Variants in PPP4R3B observed in about 807,000 individuals in gnomAD.
PPP4R3B encodes the protein serine/threonine-protein phosphatase 4 regulatory subunit 3B.
PPP4R3B carries 52 observed loss-of-function variants against 95.4 expected under a neutral mutation model. That is an observed-to-expected ratio of 0.54 (90% CI 0.44 to 0.69). The LOEUF (loss-of-function observed/expected upper bound fraction) is 0.69. Ranked by LOEUF, PPP4R3B falls within the 30% of genes least tolerant of loss-of-function variation. The pLI is 0.00. For missense variants in PPP4R3B, 1,003 were observed against 1,005.9 expected (o/e 1.00, Z 0.04); for synonymous variants, 407 against 343.9 (o/e 1.18, Z -2.03).
chr2:55,578,466 G>A (rs907635909), intron 9 of PPP4R3B, 124 bp from the exon 10 acceptor site: 6 of 991,452 alleles, frequency 6.1e-6, no homozygotes, highest in African/African-American at 1.7e-5. Flanking sequence ...CATAAAAAAT[G>A]CATTATTTTC....
At chr2:55,594,206 A>G (rs939931556) in intron 4 of PPP4R3B, among the ~76,000 whole-genome samples, 20 of 152,076 alleles carry the variant, frequency 1.3e-4, no homozygotes, top group African/African-American at 3.9e-4. Context: ...ACTGTGTTCA[A>G]TATCACGGTG....
At chr2:55,594,302 T>TAAAAAAAAAAAAA (rs35730010) in intron 4 of PPP4R3B, among the ~76,000 whole-genome samples, 1 of 123,512 alleles carries the variant, frequency 8.1e-6, no homozygotes. Context: ...GAATCTAAAA[T>TAAAAAAAAAAAAA]AAAAAAAAAA....
At chr2:55,601,436 A>G (rs1309101719) in intron 3 of PPP4R3B, among the ~76,000 whole-genome samples, 1 of 150,872 alleles carries the variant, frequency 6.6e-6, no homozygotes, top group Non-Finnish European at 1.5e-5. Context: ...GCTGGAGTGC[A>G]ATGGCGCGAT....
intron 3 of PPP4R3B, among the ~76,000 whole-genome samples, chr2:55,601,438 T>C (rs1017570453): frequency 1.3e-5 from 2 of 151,486 alleles, no homozygotes; most frequent in Non-Finnish European, 2.9e-5. Context: ...TGGAGTGCAA[T>C]GGCGCGATCT....
intron 3 of PPP4R3B, among the ~76,000 whole-genome samples, chr2:55,602,800 T>C (rs1183737971): frequency 1.3e-5 from 2 of 152,148 alleles, no homozygotes; most frequent in Non-Finnish European, 2.9e-5. Flanking sequence ...TGTATCATTT[T>C]GCTATAATAA....
At chr2:55,574,597 CT>C (rs879382361) in intron 11 of PPP4R3B, among the ~76,000 whole-genome samples, 425 of 142,782 alleles carry the variant, frequency 3.0e-3, no homozygotes, top group Admixed American at 3.4e-3. Context: ...CATCAAGATT[CT>C]TTTTTTTTTT....
intron 15 of PPP4R3B, among the ~76,000 whole-genome samples, chr2:55,559,427 ATGTGTACAGTGATGATATGG>A (rs1686297890): frequency 6.6e-6 from 1 of 152,148 alleles, no homozygotes; most frequent in South Asian, 2.1e-4. Context: ...AAAGAACATG[ATGTGTACAGTGATGATATGG>A]TCTGGCTCTG....
At chr2:55,578,396 GT>G in intron 9 of PPP4R3B, 54 bp from the exon 10 acceptor site, 3 of 1,254,670 alleles carry the variant, frequency 2.4e-6, no homozygotes, top group African/African-American at 3.1e-5. Context: ...GAGTATATGA[GT>G]GTCTGTTATA....
intron 16 of PPP4R3B, 59 bp downstream of exon 16, chr2:55,558,716 C>A: frequency 1.5e-6 from 2 of 1,291,444 alleles, no homozygotes; most frequent in Non-Finnish European, 1.0e-6. Flanking sequence ...TTTCAGTAAA[C>A]ATGAAAAAAT....
intron 15 of PPP4R3B, among the ~76,000 whole-genome samples, chr2:55,560,318 T>A (rs559211380): frequency 6.6e-6 from 1 of 152,162 alleles, no homozygotes; most frequent in Non-Finnish European, 1.5e-5. Flanking sequence ...AGGTCTCAGA[T>A]GGAGGTGAGG....
intron 4 of PPP4R3B, among the ~76,000 whole-genome samples, chr2:55,593,456 C>A: frequency 6.6e-6 from 1 of 152,176 alleles, no homozygotes; most frequent in South Asian, 2.1e-4. Flanking sequence ...TATTCACTTG[C>A]CTTCTACAAC....
intron 2 of PPP4R3B, among the ~76,000 whole-genome samples, chr2:55,605,828 C>G (rs1693297626): frequency 6.6e-6 from 1 of 151,060 alleles, no homozygotes; most frequent in Admixed American, 6.6e-5. Flanking sequence ...ATCGCTTGAA[C>G]CGGGGAGGCA....
chr2:55,609,569 A>T (rs1693877398), intron 2 of PPP4R3B, among the ~76,000 whole-genome samples: 1 of 151,296 alleles, frequency 6.6e-6, no homozygotes, highest in African/African-American at 2.4e-5. Context: ...GCTACTCAGG[A>T]GGCTGAGGTG....
chr2:55,607,195 G>T (rs1693536536), intron 2 of PPP4R3B, among the ~76,000 whole-genome samples: 1 of 152,168 alleles, frequency 6.6e-6, no homozygotes, highest in African/African-American at 2.4e-5. Context: ...TCATCACCAA[G>T]AAGTGTGAGG....
At chr2:55,570,095 A>G (rs4672055) in intron 12 of PPP4R3B, among the ~76,000 whole-genome samples, 67,635 of 151,896 alleles carry the variant, frequency 0.45, 15,949 homozygotes, top group Non-Finnish European at 0.52. Context: ...ACTAAAATAC[A>G]AAAAATTAGC....
intron 15 of PPP4R3B, among the ~76,000 whole-genome samples, chr2:55,559,845 G>A (rs974205171): frequency 1.3e-5 from 2 of 152,166 alleles, no homozygotes; most frequent in Non-Finnish European, 2.9e-5. Flanking sequence ...AAAATGGCAG[G>A]GCGCAGTGGC....
intron 9 of PPP4R3B, among the ~76,000 whole-genome samples, chr2:55,578,740 T>C (rs879762175): frequency 1.3e-5 from 2 of 152,072 alleles, no homozygotes; most frequent in Admixed American, 6.5e-5. Flanking sequence ...TAGTATTACA[T>C]AGGGTGTGCT....
chr2:55,616,998 C>G, intron 1 of PPP4R3B, 146 bp downstream of exon 1: 1 of 842,576 alleles, frequency 1.2e-6, no homozygotes, highest in Non-Finnish European at 1.8e-6. Context: ...AAGTACAGTA[C>G]TTTGTTTTTG....
intron 5 of PPP4R3B, among the ~76,000 whole-genome samples, chr2:55,588,231 C>A (rs773435284): frequency 3.3e-5 from 5 of 152,088 alleles, no homozygotes. Context: ...AAAAGCATTG[C>A]GGCTAGGCGC....
Sources: gnomAD v4.1 joint callset for allele counts (sites outside exome capture counted in the v4.1 genomes callset) on GRCh38, gnomAD v4.1.1 for gene constraint, MANE v1.5 for transcripts, NCBI Gene and HGNC (gene_info 2026-07-23, HGNC 2026-07-21) for gene names.